Variants in RANBP2 observed in about 807,000 individuals in gnomAD.
RANBP2 encodes E3 SUMO-protein ligase RanBP2.
In RANBP2, 57 loss-of-function variants were observed where a neutral mutation model predicts 303.6. That is an observed-to-expected ratio of 0.19 (90% CI 0.15 to 0.23). RANBP2 has a LOEUF of 0.23. Ranked by LOEUF, RANBP2 falls within the 10% of genes least tolerant of loss-of-function variation. The pLI is 1.00. For synonymous variants in RANBP2, 1,167 were observed against 1,301.5 expected (o/e 0.90, Z 2.23); for missense variants, 3,138 against 3,780.8 (o/e 0.83, Z 4.46).
the RANBP2 span, among the ~76,000 whole-genome samples, chr2:109,635,774 T>G: frequency 3.3e-5 from 5 of 152,228 alleles, no homozygotes; most frequent in Non-Finnish European, 7.3e-5. Context: ...TCCAATTAGA[T>G]GCCATGCACT....
chr2:109,106,705 C>T, the RANBP2 span, among the ~76,000 whole-genome samples: 41 of 151,898 alleles, frequency 2.7e-4, no homozygotes, highest in East Asian at 2.6e-3. Context: ...GGCATGGTGG[C>T]GGGCGCCTGT....
At chr2:109,401,608 G>A in the RANBP2 span, among the ~76,000 whole-genome samples, 2 of 152,170 alleles carry the variant, frequency 1.3e-5, no homozygotes, top group East Asian at 3.9e-4. Context: ...GAGCCCACAG[G>A]GCCCATGACT....
At chr2:109,111,589 T>A in the RANBP2 span, among the ~76,000 whole-genome samples, 4 of 145,366 alleles carry the variant, frequency 2.8e-5, no homozygotes, top group Admixed American at 1.5e-4. Context: ...ATGGCATTTT[T>A]CTTTTCTTTT....
chr2:108,988,086 G>C, the RANBP2 span, among the ~76,000 whole-genome samples: 1 of 152,228 alleles, frequency 6.6e-6, no homozygotes, highest in South Asian at 2.1e-4. Context: ...CTCTCCGTAC[G>C]TCTCCTCACA....
chr2:109,303,768 T>G, the RANBP2 span, among the ~76,000 whole-genome samples: 2 of 152,372 alleles, frequency 1.3e-5, no homozygotes, highest in South Asian at 4.1e-4. Flanking sequence ...ATACTTAATT[T>G]CTACATCTCG....
chr2:109,346,536 A>G, the RANBP2 span, among the ~76,000 whole-genome samples: 1 of 152,142 alleles, frequency 6.6e-6, no homozygotes, highest in South Asian at 2.1e-4. Context: ...CCTCTAGCAC[A>G]GGATTGACCT....
At chr2:109,182,988 C>G in the RANBP2 span, among the ~76,000 whole-genome samples, 1 of 152,182 alleles carries the variant, frequency 6.6e-6, no homozygotes, top group Admixed American at 6.5e-5. Context: ...GGTCTCCTAA[C>G]AGGTTTCAGA....
the RANBP2 span, among the ~76,000 whole-genome samples, chr2:108,994,823 TATATA>T: frequency 1.1e-3 from 28 of 24,784 alleles, no homozygotes; most frequent in South Asian, 3.6e-3. Context: ...TATATATATA[TATATA>T]TCTTTTTTTT....
At chr2:108,929,950 T>C in the RANBP2 span, among the ~76,000 whole-genome samples, 1 of 152,222 alleles carries the variant, frequency 6.6e-6, no homozygotes. Flanking sequence ...GTGCCATTCC[T>C]GGGCTCACGG....
chr2:109,007,462 G>A, the RANBP2 span, among the ~76,000 whole-genome samples: 3 of 152,190 alleles, frequency 2.0e-5, no homozygotes, highest in Non-Finnish European at 4.4e-5. Context: ...GTGAGGTTGT[G>A]ACCACTTTCA....
At chr2:109,114,939 A>G in the RANBP2 span, among the ~76,000 whole-genome samples, 118 of 151,598 alleles carry the variant, frequency 7.8e-4, 1 homozygote, top group African/African-American at 2.6e-3. Flanking sequence ...GTAGTTGAGC[A>G]GTTTTGAGTG....
At chr2:108,750,779 G>T (rs1416787952) in intron 9 of RANBP2, among the ~76,000 whole-genome samples, 1 of 152,134 alleles carries the variant, frequency 6.6e-6, no homozygotes, top group Non-Finnish European at 1.5e-5. Flanking sequence ...AGTAGAGACG[G>T]AGTTTCACCA....
chr2:108,976,853 A>G, the RANBP2 span, among the ~76,000 whole-genome samples: 40,338 of 151,692 alleles, frequency 0.27, 5,880 homozygotes, highest in African/African-American at 0.37. Flanking sequence ...TGGCACTACA[A>G]GGTGCTCCAG....
the RANBP2 span, among the ~76,000 whole-genome samples, chr2:109,657,855 T>C: frequency 2.0e-5 from 3 of 151,004 alleles, no homozygotes. Flanking sequence ...CAGTAGCTGG[T>C]ATTACAGGCA....
chr2:109,144,058 G>A, the RANBP2 span, among the ~76,000 whole-genome samples: 1 of 152,202 alleles, frequency 6.6e-6, no homozygotes, highest in African/African-American at 2.4e-5. Context: ...AGTGTGGGAA[G>A]AGGAGATACT....
chr2:109,199,085 C>A, the RANBP2 span, among the ~76,000 whole-genome samples: 1 of 151,936 alleles, frequency 6.6e-6, no homozygotes, highest in East Asian at 1.9e-4. Context: ...GGGGTCCAGG[C>A]ATGGTGGTTC....
chr2:109,006,700 G>A, the RANBP2 span, among the ~76,000 whole-genome samples: 1 of 152,168 alleles, frequency 6.6e-6, no homozygotes, highest in Non-Finnish European at 1.5e-5. Context: ...GGCTAAGTGA[G>A]AGCGGAGGCC....
the RANBP2 span, among the ~76,000 whole-genome samples, chr2:108,920,452 A>G: frequency 6.6e-6 from 1 of 152,184 alleles, no homozygotes; most frequent in African/African-American, 2.4e-5. Flanking sequence ...AAAACAGAAA[A>G]CCAGAAAGCT....
At chr2:109,532,308 G>A in the RANBP2 span, among the ~76,000 whole-genome samples, 5 of 152,094 alleles carry the variant, frequency 3.3e-5, no homozygotes, top group African/African-American at 4.8e-5. Context: ...AAACATTCAC[G>A]TTCCATCAAC....
Sources: gnomAD v4.1 joint callset for allele counts (sites outside exome capture counted in the v4.1 genomes callset) on GRCh38, gnomAD v4.1.1 for gene constraint, MANE v1.5 for transcripts, NCBI Gene and HGNC (gene_info 2026-07-23, HGNC 2026-07-21) for gene names.